NAALADL2: variants seen among roughly 807,000 people sequenced by gnomAD.
NAALADL2 encodes N-acetylated alpha-linked acidic dipeptidase like 2.
NAALADL2 carries 76 observed loss-of-function variants against 87.2 expected under a neutral mutation model. That is an observed-to-expected ratio of 0.87 (90% CI 0.72 to 1.05). The LOEUF (loss-of-function observed/expected upper bound fraction) is 1.05, where lower values mean the gene tolerates loss of function less well. Ranked by LOEUF, NAALADL2 falls within the 50% of genes least tolerant of loss-of-function variation. The pLI, the probability that NAALADL2 is intolerant of heterozygous loss-of-function variation, is 0.00. For missense variants in NAALADL2, 1,089 were observed against 945.8 expected (o/e 1.15, Z -1.99); for synonymous variants, 354 against 331.0 (o/e 1.07, Z -0.75).
intron 4 of NAALADL2, among the ~76,000 whole-genome samples, chr3:175,287,134 T>C (rs1260068703): frequency 6.6e-6 from 1 of 152,124 alleles, no homozygotes; most frequent in Non-Finnish European, 1.5e-5. Flanking sequence ...ATTATCTCGT[T>C]CCGTATAGTA....
chr3:175,587,437 A>C lies in NAALADL2; in HGVS notation c.1800+11250A>C, dbSNP rs138651652. On this transcript the variant is annotated intron_variant, in intron 10 of 13. Coordinates refer to ENST00000454872, the MANE Select transcript of NAALADL2 (RefSeq NM_207015.3). ...AACTTGATATTTTATATTTGCTCAC[A>C]GATGAAGCCATAGCCTGGGCTTCTC... 5.6e-3 allele frequency among the ~76,000 whole-genome samples: 859 copies of C among 152,334 alleles called. 10 individuals carry two copies. The highest frequency in any genetic ancestry group is 0.02 in the African/African-American group (811 of 41,576).
intron 2 of NAALADL2, among the ~76,000 whole-genome samples, chr3:175,133,075 T>C (rs1728430299): frequency 1.4e-5 from 2 of 141,948 alleles, no homozygotes; most frequent in Non-Finnish European, 1.5e-5. Context: ...GCTCCCCACA[T>C]CCCAGACGGG....
At chr3:174,633,951 T>C (rs953705034) in intron 2 of NAALADL2, among the ~76,000 whole-genome samples, 1 of 152,216 alleles carries the variant, frequency 6.6e-6, no homozygotes, top group African/African-American at 2.4e-5. Context: ...GGATAAATTA[T>C]CTAATGTCCT....
At chr3:175,286,436 T>C (rs1754987854) in intron 4 of NAALADL2, among the ~76,000 whole-genome samples, 1 of 152,132 alleles carries the variant, frequency 6.6e-6, no homozygotes, top group African/African-American at 2.4e-5. Flanking sequence ...GCCTTGGCAT[T>C]TACCCAGAAA....
intron 3 of NAALADL2, among the ~76,000 whole-genome samples, chr3:174,828,996 A>T (rs1277420380): frequency 6.6e-6 from 1 of 152,158 alleles, no homozygotes; most frequent in Non-Finnish European, 1.5e-5. Context: ...TCATTAAAAT[A>T]CTCAAATTTT....
chr3:174,875,331 T>A (rs1039011906), intron 1 of NAALADL2, among the ~76,000 whole-genome samples: 7 of 151,640 alleles, frequency 4.6e-5, no homozygotes, highest in Non-Finnish European at 8.8e-5. Flanking sequence ...GTGAAAAGAG[T>A]AGACTTTGGA....
chr3:174,451,851 T>G (rs1169435436), intron 1 of NAALADL2, among the ~76,000 whole-genome samples: 1 of 139,346 alleles, frequency 7.2e-6, no homozygotes, highest in Non-Finnish European at 1.6e-5. Flanking sequence ...GAGTTTTTTT[T>G]TTTTTTTTTT....
chr3:175,539,163 G>A (rs1017579066), intron 9 of NAALADL2, among the ~76,000 whole-genome samples: 4 of 152,234 alleles, frequency 2.6e-5, no homozygotes, highest in Non-Finnish European at 5.9e-5. Flanking sequence ...GTCTTGAGTC[G>A]CAGCAGTTAG....
At chr3:175,672,797 CG>C (rs1348051179) in intron 11 of NAALADL2, among the ~76,000 whole-genome samples, 2 of 152,094 alleles carry the variant, frequency 1.3e-5, no homozygotes, top group Non-Finnish European at 2.9e-5. Context: ...TAGTGACTCT[CG>C]GATTTTGTAA....
chr3:175,462,188 G>C (rs1163599222), intron 6 of NAALADL2, among the ~76,000 whole-genome samples: 3 of 152,136 alleles, frequency 2.0e-5, no homozygotes, highest in Non-Finnish European at 4.4e-5. Flanking sequence ...GAGACAGAGG[G>C]TATTGGGGAA....
chr3:175,338,664 A>G (rs1019233893), intron 5 of NAALADL2, among the ~76,000 whole-genome samples: 1 of 142,608 alleles, frequency 7.0e-6, no homozygotes, highest in Non-Finnish European at 1.6e-5. Flanking sequence ...CACACACACA[A>G]ACAAACAAAA....
intron 11 of NAALADL2, among the ~76,000 whole-genome samples, chr3:175,629,745 C>T (rs916001528): frequency 2.0e-5 from 3 of 151,584 alleles, no homozygotes; most frequent in East Asian, 1.9e-4. Context: ...GAGAACATGT[C>T]GGGAAGCAAG....
chr3:174,781,504 A>G (rs963405393), intron 3 of NAALADL2, among the ~76,000 whole-genome samples: 2 of 151,808 alleles, frequency 1.3e-5, no homozygotes, highest in African/African-American at 2.4e-5. Flanking sequence ...TATTATGTAG[A>G]CACTGATTAG....
intron 1 of NAALADL2, among the ~76,000 whole-genome samples, chr3:175,007,197 G>T (rs1290026941): frequency 6.7e-6 from 1 of 149,354 alleles, no homozygotes; most frequent in Admixed American, 6.7e-5. Context: ...AGAAAAGGAA[G>T]TGATGTGTAT....
Position 175,214,919 on chromosome 3 carries a change from C to T in NAALADL2, c.546-19012C>T, listed in dbSNP as rs193177393. On this transcript the variant is annotated intron_variant, in intron 2 of 13. Coordinates refer to ENST00000454872, the MANE Select transcript of NAALADL2 (RefSeq NM_207015.3). ...TTTGTTGTGGAGTTTACTTGACACA[C>T]ACAAAAAAATATACAAGGTATTTTT... Among the ~76,000 whole-genome samples, 233 of 152,114 alleles carry T rather than the reference C, an allele frequency of 1.5e-3. 1 individual carries two copies. The highest frequency in any genetic ancestry group is 5.5e-3 in the African/African-American group (227 of 41,518).
chr3:174,966,752 C>A (rs1742934172), intron 1 of NAALADL2, among the ~76,000 whole-genome samples: 1 of 152,088 alleles, frequency 6.6e-6, no homozygotes. Flanking sequence ...AGTTTGAGGT[C>A]TGAGTTCTAG....
chr3:174,799,833 T>C (rs956928591), intron 3 of NAALADL2, among the ~76,000 whole-genome samples: 1 of 152,156 alleles, frequency 6.6e-6, no homozygotes, highest in Non-Finnish European at 1.5e-5. Flanking sequence ...GATAGTGATG[T>C]CGAATATAAG....
chr3:175,086,579 T>G (rs1013764009), intron 1 of NAALADL2, among the ~76,000 whole-genome samples: 3 of 152,198 alleles, frequency 2.0e-5, no homozygotes, highest in African/African-American at 7.2e-5. Context: ...TGTTAAATGT[T>G]TTATATTTAA....
At chr3:175,136,042 A>G (rs1729064989) in intron 2 of NAALADL2, among the ~76,000 whole-genome samples, 2 of 152,224 alleles carry the variant, frequency 1.3e-5, no homozygotes, top group Non-Finnish European at 2.9e-5. Context: ...ATGTGACTGA[A>G]AAAGCAACTC....
Sources: gnomAD v4.1 joint callset for allele counts (sites outside exome capture counted in the v4.1 genomes callset) on GRCh38, gnomAD v4.1.1 for gene constraint, MANE v1.5 for transcripts, NCBI Gene and HGNC (gene_info 2026-07-23, HGNC 2026-07-21) for gene names.